Variants in CYB5R3 observed in about 807,000 individuals in gnomAD.
The protein encoded by CYB5R3 is cytochrome b5 reductase 3.
CYB5R3 carries 28 observed loss-of-function variants against 36.5 expected under a neutral mutation model. The ratio of observed to expected loss-of-function variants is 0.77; its 90% CI spans 0.57 to 1.05. The LOEUF (loss-of-function observed/expected upper bound fraction) is 1.05, where lower values mean the gene tolerates loss of function less well. Ranked by LOEUF, CYB5R3 falls within the 50% of genes least tolerant of loss-of-function variation. CYB5R3 has a pLI of 0.00. For synonymous variants in CYB5R3, 181 were observed against 159.8 expected, an observed-to-expected ratio of 1.13 and a Z score of -1.00; for missense variants, 474 against 408.9, an observed-to-expected ratio of 1.16 and a Z score of -1.37.
chr22:42,649,147 TG>T, intron 1 of CYB5R3, 147 bp downstream of exon 1: 1 of 216,218 alleles, frequency 4.6e-6, no homozygotes, highest in Non-Finnish European at 8.3e-6. Flanking sequence ...TGGGGTGGGG[TG>T]GGGCGCGGCG....
rs1036533799 is a variant in CYB5R3 at position 42,619,818 on chromosome 22, G to C, written c.861C>G (p.Asn287Lys). The change falls in exon 9 of 9, where the codon AAC becomes AAG. Residue 287 changes from asparagine to lysine, a missense_variant. Physicochemically the swap from Asn to Lys is moderately conservative, Grantham distance 94. Transcript: ENST00000352397. ...CCGTGGGGTGGCCCACGTGGTCCAG[G>C]TTGGGAAGGCAGGCGTACTGGATCA... is the stretch of plus-strand genomic sequence containing the variant. ...PPMIQYACLP[N>K]LDHVGHPTER... is the part of the protein sequence containing the mutation. The C allele has an allele frequency of 3.1e-6, 5 of 1,601,484 alleles. No individual in the cohort carries two copies. The highest frequency in any genetic ancestry group is 1.3e-5 in the African/African-American group (1 of 74,872).
intron 1 of CYB5R3, among the ~76,000 whole-genome samples, chr22:42,641,808 C>G (rs1345841828): frequency 6.6e-6 from 1 of 151,824 alleles, no homozygotes; most frequent in African/African-American, 2.4e-5. Flanking sequence ...TTTAGTAGAG[C>G]CGGGGTTTTT....
rs576120992 is a variant in CYB5R3, at chr22:42,624,517, C to T, written c.634-629G>A. On this transcript the variant is annotated intron_variant, in intron 7 of 8. Transcript: ENST00000352397. ...CAGAGCCCTACAGAACTCAGTCCAG[C>T]GTCATCCCTTCCAGGAAAGCTTCCT... 1.0e-4 allele frequency among the ~76,000 whole-genome samples: 15 copies of T among 149,766 alleles called. No homozygotes were observed. In the East Asian group the frequency reaches 2.4e-3, roughly 24 times the overall value.
intron 1 of CYB5R3, among the ~76,000 whole-genome samples, chr22:42,648,743 T>C (rs1407211948): frequency 1.3e-5 from 2 of 152,118 alleles, no homozygotes; most frequent in Admixed American, 6.6e-5. Context: ...GTTCTGTTCC[T>C]TGTTGCTAAA....
Position 42,627,542 on chromosome 22 carries a change from C to T in CYB5R3, c.547+63G>A, listed in dbSNP as rs1928346168. 3.9e-6 allele frequency: 6 copies of T among 1,538,234 alleles called. No individual in the cohort carries two copies. In the Admixed American group the frequency reaches 8.4e-5, roughly 21 times the overall value. ...CCAGGCACTCAGAACCTGCGCCTCACCCACACCCCAACCCCACCCTTAACA... is the reference window on the plus strand; with the variant it reads ...CCAGGCACTCAGAACCTGCGCCTCATCCACACCCCAACCCCACCCTTAACA... On this transcript the variant is annotated intron_variant, in intron 6 of 8. Coordinates refer to ENST00000352397, the MANE Select transcript of CYB5R3 (RefSeq NM_000398.7).
Position 42,619,715 on chromosome 22 carries a change from G to T in CYB5R3, c.*58C>A, listed in dbSNP as rs907048043. ...GTGCGATGTGGGGAGGTGACTGGGTGAGCGTGAACAGGGCGTGGGGTGCGC... is the reference window on the plus strand; with the variant it reads ...GTGCGATGTGGGGAGGTGACTGGGTTAGCGTGAACAGGGCGTGGGGTGCGC... On this transcript the variant is annotated 3_prime_UTR_variant, in exon 9 of 9. Transcript: ENST00000352397. The T allele has an allele frequency of 5.4e-6, 8 of 1,489,792 alleles. No homozygotes were observed. The South Asian group carries it at 1.0e-4, about 19-fold the overall frequency. The allele number at this position is 1,489,792 out of a possible 1,614,324, so 92.3% of individuals were successfully genotyped here. A position where few individuals can be genotyped will look rare whatever the true frequency, so the allele number is the denominator to read the frequency against.
At chr22:42,621,377 T>C (rs1044126902) in intron 8 of CYB5R3, among the ~76,000 whole-genome samples, 15 of 152,308 alleles carry the variant, frequency 9.8e-5, no homozygotes, top group African/African-American at 3.6e-4. Flanking sequence ...CCACCGTGCA[T>C]GGCTTAATGT....
intron 8 of CYB5R3, among the ~76,000 whole-genome samples, chr22:42,620,559 A>C (rs1315360955): frequency 6.6e-6 from 1 of 152,072 alleles, no homozygotes; most frequent in East Asian, 1.9e-4. Context: ...TATCCTTAGT[A>C]ACCAGAAACA....
intron 1 of CYB5R3, among the ~76,000 whole-genome samples, chr22:42,644,224 C>A (rs909525841): frequency 3.3e-5 from 5 of 152,132 alleles, no homozygotes; most frequent in Admixed American, 3.3e-4. Flanking sequence ...TCAAAGAGCT[C>A]ACAGCCCAAA....
chr22:42,638,989 G>A lies in CYB5R3; in HGVS notation c.22-2143C>T, dbSNP rs144228725. 1.9e-3 allele frequency: 755 copies of A among 397,846 alleles called. 6 individuals carry two copies. The highest frequency in any genetic ancestry group is 8.8e-3 in the Middle Eastern group (10 of 1,142). 24.6% of individuals were successfully genotyped at this position (397,846 alleles called of 1,614,324 possible). On this transcript the variant is annotated intron_variant, in intron 1 of 8. Transcript: ENST00000352397. The stretch of plus-strand genomic sequence containing the variant: ...ATGGAGGTTGCAGTGAGCCGAGATC[G>A]TGCCATTGCACTCCAGCTTGGGCAA...
At chr22:42,647,539 G>A (rs1246665778) in intron 1 of CYB5R3, among the ~76,000 whole-genome samples, 2 of 74,268 alleles carry the variant, frequency 2.7e-5, no homozygotes, top group African/African-American at 9.3e-5. Context: ...TCTGAGGTCA[G>A]GAGTTCGGGA....
At chr22:42,631,819 G>A (rs1019131670) in intron 2 of CYB5R3, 3 of 311,644 alleles carry the variant, frequency 9.6e-6, no homozygotes, top group South Asian at 3.4e-5. Context: ...GGAAGAACTT[G>A]AGGGCTGGAT....
At chr22:42,646,905 G>C (rs1251324853) in intron 1 of CYB5R3, 1 of 985,572 alleles carries the variant, frequency 1.0e-6, no homozygotes, top group Non-Finnish European at 1.2e-6. Context: ...TGTCAGGGTC[G>C]CTGAGCACTC....
chr22:42,625,511 A>G (rs963791938), intron 7 of CYB5R3, among the ~76,000 whole-genome samples: 1 of 152,060 alleles, frequency 6.6e-6, no homozygotes, highest in African/African-American at 2.4e-5. Flanking sequence ...TTCCGTCTCA[A>G]TTTTTTTAAA....
intron 4 of CYB5R3, among the ~76,000 whole-genome samples, chr22:42,629,028 C>A (rs941782225): frequency 1.3e-5 from 2 of 152,112 alleles, no homozygotes; most frequent in African/African-American, 2.4e-5. Context: ...AGGACTCTAA[C>A]CTTTATCAAG....
chr22:42,622,449 G>C (rs1046205127), intron 8 of CYB5R3, among the ~76,000 whole-genome samples: 1 of 152,186 alleles, frequency 6.6e-6, no homozygotes, highest in Non-Finnish European at 1.5e-5. Flanking sequence ...ATACCAGGTG[G>C]AGCAGCCGAC....
Position 42,619,474 on chromosome 22 carries a change from A to T in CYB5R3, c.*299T>A, listed in dbSNP as rs573822459. The T allele has an allele frequency of 2.2e-6, 1 of 448,516 alleles. No homozygotes were observed. Among genetic ancestry groups the T allele is most frequent in the African/African-American group, 2.3e-5 (1 of 42,576 alleles). The allele number at this position is 448,516 out of a possible 1,614,324, so 27.8% of individuals were successfully genotyped here. On this transcript the variant is annotated 3_prime_UTR_variant, in exon 9 of 9. Coordinates refer to ENST00000352397, the MANE Select transcript of CYB5R3 (RefSeq NM_000398.7). ...GGGGCTGCTGGCAGCCCTCAGCCTT[A>T]TAGTGTGTGTGGGGGGTGGACGAGG...
At chr22:42,620,625 G>A (rs1045511588) in intron 8 of CYB5R3, among the ~76,000 whole-genome samples, 5 of 152,198 alleles carry the variant, frequency 3.3e-5, no homozygotes, top group Admixed American at 1.3e-4. Flanking sequence ...CAGGCCAGGA[G>A]GGCTGGCACT....
chr22:42,630,539 T>C (rs929295154), intron 4 of CYB5R3, among the ~76,000 whole-genome samples: 2 of 152,226 alleles, frequency 1.3e-5, no homozygotes, highest in Non-Finnish European at 1.5e-5. Flanking sequence ...CTGCTGCAGG[T>C]ACCTGTCCTT....
Sources: allele counts gnomAD v4.1 joint callset (sites outside exome capture counted in the v4.1 genomes callset), GRCh38; gene constraint gnomAD v4.1.1; transcripts MANE v1.5; gene names NCBI Gene and HGNC (gene_info 2026-07-23, HGNC 2026-07-21).